The following ANTXRL variants were observed in gnomAD, a reference collection of about 807,000 sequenced individuals.
The protein encoded by ANTXRL is anthrax toxin receptor-like.
ANTXRL carries 63 observed loss-of-function variants against 75.4 expected under a neutral mutation model. The observed-to-expected ratio is 0.84, with a 90% CI of 0.68 to 1.03. The LOEUF (loss-of-function observed/expected upper bound fraction) is 1.03, where lower values mean the gene tolerates loss of function less well. Ranked by LOEUF, ANTXRL falls within the 50% of genes least tolerant of loss-of-function variation. The pLI, the probability that ANTXRL is intolerant of heterozygous loss-of-function variation, is 0.00. For missense variants in ANTXRL, 797 were observed against 789.4 expected (o/e 1.01, Z -0.12); for synonymous variants, 335 against 291.3 (o/e 1.15, Z -1.53).
intron 10 of ANTXRL, among the ~76,000 whole-genome samples, chr10:46,305,134 C>A (rs4075138): frequency 1.3e-5 from 2 of 152,052 alleles, no homozygotes; most frequent in African/African-American, 4.8e-5. Flanking sequence ...GGAGTGTTGG[C>A]CACCACTGAA....
At chr10:46,322,059 G>A (rs782585149) in intron 16 of ANTXRL, among the ~76,000 whole-genome samples, 8 of 151,982 alleles carry the variant, frequency 5.3e-5, no homozygotes, top group East Asian at 1.9e-4. Context: ...CCAGCGAGTC[G>A]CCAGAAGGAA....
At position 46,298,024 on chromosome 10, in the gene ANTXRL, A is replaced by G. The variant is rs1554959502; in HGVS notation, c.758A>G (p.Asp253Gly). 1.3e-6 allele frequency: 2 copies of G among 1,535,728 alleles called. No individual in the cohort carries two copies. Among genetic ancestry groups the G allele is most frequent in the Admixed American group, 3.9e-5 (2 of 50,952 alleles). Reference sequence around the variant, plus strand: ...CAGCTCACGTCAAAGGTCTGTCTTGATGTGACATCGGTGGAGCCTTCCTCT... The same window carrying G: ...CAGCTCACGTCAAAGGTCTGTCTTGGTGTGACATCGGTGGAGCCTTCCTCT... ...IDALTSKVCL[D>G]VTSVEPSSEC... The change falls in exon 9 of 17, where the codon GAT (aspartate) becomes GGT (glycine). Residue 253 changes from aspartate (D) to glycine (G), a missense_variant. Asp to Gly is a moderately conservative substitution (Grantham distance 94, BLOSUM62 -1). Transcript: ENST00000620264.
chr10:46,324,761 C>T (rs1274482589), intron 16 of ANTXRL, among the ~76,000 whole-genome samples: 1 of 152,030 alleles, frequency 6.6e-6, no homozygotes, highest in South Asian at 2.1e-4. Context: ...TTGATCTTAT[C>T]GATTTGTCTG....
intron 1 of ANTXRL, among the ~76,000 whole-genome samples, chr10:46,289,897 C>T (rs7903638): frequency 0.033 from 5,068 of 152,142 alleles, 91 homozygotes; most frequent in Admixed American, 0.051. Flanking sequence ...ATCAAGCAAA[C>T]ATATAATATT....
rs533749314 is a variant in ANTXRL, at chr10:46,329,847, A to G, written c.1659A>G (p.Pro553=). 7 of 1,534,964 alleles carry G rather than the reference A, an allele frequency of 4.6e-6. No individual in the cohort carries two copies. The highest frequency in any genetic ancestry group is 6.1e-6 in the Non-Finnish European group (7 of 1,146,262). The change falls in exon 17 of 17, where the codon CCA becomes CCG. Residue 553 remains proline, a synonymous_variant. Transcript: ENST00000620264. ...CCCGCAAACAGGCTCCCTGCAGCCC[A>G]AGGATCTGCCTGAGACACAGCCCGG... ...CLARKQAPCS[P]RICLRHSPEY...
intron 9 of ANTXRL, among the ~76,000 whole-genome samples, chr10:46,299,948 C>G (rs1195238631): frequency 6.6e-6 from 1 of 152,172 alleles, no homozygotes; most frequent in Non-Finnish European, 1.5e-5. Context: ...CTCTCCTCCC[C>G]CTCGGGGTCT....
intron 15 of ANTXRL, among the ~76,000 whole-genome samples, chr10:46,312,941 C>T (rs1210893785): frequency 1.4e-4 from 22 of 152,208 alleles, no homozygotes. Context: ...CCCTTCAGGA[C>T]CTCTGCTCAG....
At chr10:46,298,117 C>A in intron 9 of ANTXRL, 55 bp downstream of exon 9, 2 of 1,016,564 alleles carry the variant, frequency 2.0e-6, no homozygotes, top group Non-Finnish European at 2.9e-6. Context: ...TGAGTGCATG[C>A]GTGTATGGAG....
intron 4 of ANTXRL, 37 bp downstream of exon 4, chr10:46,296,137 C>A: frequency 6.5e-7 from 1 of 1,534,926 alleles, no homozygotes; most frequent in Non-Finnish European, 8.7e-7. Flanking sequence ...TAACCCTAAC[C>A]CTAACCCTAA....
chr10:46,311,558 C>G lies in ANTXRL; in HGVS notation c.1222C>G (p.Pro408Ala). 1 of 1,529,830 alleles carries G rather than the reference C, an allele frequency of 6.5e-7. No homozygotes were observed. The highest frequency in any genetic ancestry group is 8.8e-7 in the Non-Finnish European group (1 of 1,141,240). The allele number at this position is 1,529,830 out of a possible 1,614,324, so 94.8% of individuals were successfully genotyped here. ...ATCACCACCACCACCGCCTCCGCCTCCACCACCTCCACTCCCGCCTCCGCC... is the reference window on the plus strand; with the variant it reads ...ATCACCACCACCACCGCCTCCGCCTGCACCACCTCCACTCCCGCCTCCGCC... ...PPSPPPPPPP[P>A]PPPLPPPPPA... The change falls in exon 15 of 17, where the codon CCA (proline) becomes GCA (alanine). Residue 408 changes from proline to alanine, a missense_variant. By Grantham distance (27) the Pro-to-Ala change is conservative (BLOSUM62 -1). Around this residue, in one of 3 missense-constraint regions of ANTXRL, gnomAD observed 479 missense variants for 422.0 expected, o/e 1.14. Transcript: ENST00000620264.
Position 46,292,150 on chromosome 10 carries a change from G to A in ANTXRL, c.320+21G>A, listed in dbSNP as rs1463978821. 7.2e-6 allele frequency: 11 copies of A among 1,535,170 alleles called. No individual in the cohort carries two copies. In the African/African-American group the frequency reaches 1.2e-4, roughly 17 times the overall value. On this transcript the variant is annotated intron_variant, in intron 2 of 16. Coordinates refer to ENST00000620264, the MANE Select transcript of ANTXRL (RefSeq NM_001278688.3). ...CAAAGGTACAGATCTCTGCATGGCA[G>A]CCTCCCCTGAGCTGCAGAGAGCTTT...
chr10:46,293,361 TGTGAGTGTGCCTGTGTGTGA>T (rs1837132850), intron 2 of ANTXRL, among the ~76,000 whole-genome samples: 2 of 147,104 alleles, frequency 1.4e-5, no homozygotes, highest in Admixed American at 6.8e-5. Context: ...TGTGTGTGCA[TGTGAGTGTGCCTGTGTGTGA>T]GTGTGTGCCT....
At chr10:46,311,779 G>A (rs150012630) in intron 15 of ANTXRL, 114 bp downstream of exon 15, 2 of 576,518 alleles carry the variant, frequency 3.5e-6, no homozygotes, top group East Asian at 3.0e-5. Flanking sequence ...GGCTCTACAG[G>A]GGCTGGACTT....
At chr10:46,308,246 G>A (rs782810841) in intron 12 of ANTXRL, among the ~76,000 whole-genome samples, 16 of 152,058 alleles carry the variant, frequency 1.1e-4, no homozygotes, top group South Asian at 4.1e-4. Flanking sequence ...CTGAATGCAC[G>A]CATTCCCCAT....
intron 10 of ANTXRL, among the ~76,000 whole-genome samples, chr10:46,306,582 C>T (rs573924669): frequency 6.6e-6 from 1 of 150,746 alleles, no homozygotes; most frequent in East Asian, 1.9e-4. Flanking sequence ...AAAGGTGAGT[C>T]CTTGAGAGCA....
At chr10:46,300,954 A>G (rs567343057) in intron 9 of ANTXRL, among the ~76,000 whole-genome samples, 17 of 152,120 alleles carry the variant, frequency 1.1e-4, no homozygotes, top group South Asian at 1.0e-3. Flanking sequence ...GGATTTTACA[A>G]TGAATGTTTG....
chr10:46,303,653 A>G (rs1837893408), intron 10 of ANTXRL, among the ~76,000 whole-genome samples: 1 of 152,188 alleles, frequency 6.6e-6, no homozygotes, highest in Admixed American at 6.5e-5. Context: ...AAGCAAAATC[A>G]CATGCGTAGA....
At position 46,293,820 on chromosome 10, in the gene ANTXRL, C is replaced by T. The variant is rs2132665122; in HGVS notation, c.321-9C>T. 6.5e-7 allele frequency: 1 copy of T among 1,535,284 alleles called. No individual in the cohort carries two copies. Among genetic ancestry groups the T allele is most frequent in the Non-Finnish European group, 8.7e-7 (1 of 1,146,328 alleles). ...ACTGGCTTCTCACCAGCACATGATT[C>T]CTTCACAGCCCAAATATTCGGATGT... On this transcript the variant is annotated splice_polypyrimidine_tract_variant and intron_variant, in intron 2 of 16. Transcript: ENST00000620264.
At chr10:46,315,800 A>G (rs1187120221) in intron 16 of ANTXRL, among the ~76,000 whole-genome samples, 3 of 152,202 alleles carry the variant, frequency 2.0e-5, no homozygotes, top group African/African-American at 7.2e-5. Flanking sequence ...TTGGCACATA[A>G]TAATGCAGGA....
Sources: gnomAD v4.1 joint callset for allele counts (sites outside exome capture counted in the v4.1 genomes callset) on GRCh38, gnomAD v4.1.1 for gene constraint, gnomAD v4.1.1 regional missense constraint, MANE v1.5 for transcripts, NCBI Gene and HGNC (gene_info 2026-07-23, HGNC 2026-07-21) for gene names.